The following CHRNA7 variants were observed in gnomAD, a reference collection of about 807,000 sequenced individuals.
CHRNA7 encodes cholinergic receptor nicotinic alpha 7 subunit, also known as neuronal acetylcholine receptor subunit alpha-7.
A neutral mutation model predicts 48.0 loss-of-function variants in CHRNA7; 17 were observed. The observed-to-expected ratio is 0.35, with a 90% CI of 0.24 to 0.53. The LOEUF is 0.53. Among genes scored for constraint, CHRNA7 ranks in the 20% least tolerant of loss-of-function variants. The pLI, the probability that CHRNA7 is intolerant of heterozygous loss-of-function variation, is 0.92. For missense variants in CHRNA7, 155 were observed against 577.7 expected (o/e 0.27, Z 7.50); for synonymous variants, 75 against 242.3 (o/e 0.31, Z 6.41).
intron 2 of CHRNA7, among the ~76,000 whole-genome samples, chr15:32,069,580 G>A (rs578026886): frequency 1.3e-5 from 2 of 152,322 alleles, no homozygotes; most frequent in South Asian, 4.1e-4. Flanking sequence ...ACAGGAGGTC[G>A]AGGCTGCAGT....
chr15:32,137,204 A>G (rs1018460519), intron 4 of CHRNA7, among the ~76,000 whole-genome samples: 2 of 152,114 alleles, frequency 1.3e-5, no homozygotes, highest in African/African-American at 4.8e-5. Context: ...TCCCCAATAT[A>G]TCTCTATGCA....
Position 32,051,860 on chromosome 15 carries a change from A to T in CHRNA7, c.195+20823A>T, listed in dbSNP as rs142322502. ...CCTGGCTGATTTTTGTATTTTTAGT[A>T]GAGACGGGGTTTCAAGACGTTCCCC... On this transcript the variant is annotated intron_variant, in intron 2 of 9. Transcript: ENST00000306901. Among the ~76,000 whole-genome samples the T allele has an allele frequency of 3.2e-3, 484 of 152,224 alleles. 5 individuals are homozygous for T. The highest frequency in any genetic ancestry group is 0.011 in the African/African-American group (463 of 41,544).
intron 2 of CHRNA7, among the ~76,000 whole-genome samples, chr15:32,046,743 C>G (rs2049555377): frequency 6.6e-6 from 1 of 151,980 alleles, no homozygotes; most frequent in Non-Finnish European, 1.5e-5. Context: ...AAGTCCTTGC[C>G]CATGCCTATG....
At chr15:32,119,677 A>G (rs993846081) in intron 4 of CHRNA7, among the ~76,000 whole-genome samples, 9 of 152,204 alleles carry the variant, frequency 5.9e-5, no homozygotes, top group African/African-American at 1.2e-4. Flanking sequence ...CTTGTTAGCA[A>G]TTGATTCCCA....
intron 2 of CHRNA7, among the ~76,000 whole-genome samples, chr15:32,055,144 TGAG>T (rs2049763478): frequency 2.0e-5 from 3 of 152,194 alleles, no homozygotes; most frequent in Non-Finnish European, 4.4e-5. Context: ...CAGCTAAGGT[TGAG>T]GAGATTTTCA....
chr15:32,153,036 T>C (rs2051664411), intron 4 of CHRNA7, among the ~76,000 whole-genome samples: 1 of 149,816 alleles, frequency 6.7e-6, no homozygotes, highest in African/African-American at 2.5e-5. Flanking sequence ...CTTCCCTCAC[T>C]CTCCTTCTTT....
intron 4 of CHRNA7, among the ~76,000 whole-genome samples, chr15:32,146,957 A>G (rs1356230969): frequency 1.3e-5 from 2 of 152,230 alleles, no homozygotes; most frequent in Non-Finnish European, 2.9e-5. Flanking sequence ...CAACACTTTC[A>G]TAATGCTGTA....
chr15:32,121,391 T>G (rs540149631), intron 4 of CHRNA7, among the ~76,000 whole-genome samples: 6 of 152,300 alleles, frequency 3.9e-5, no homozygotes, highest in South Asian at 2.1e-4. Flanking sequence ...TTCAGTGAAG[T>G]CATCTAAAAT....
chr15:32,116,962 T>C (rs761301542), intron 4 of CHRNA7, among the ~76,000 whole-genome samples: 26 of 152,338 alleles, frequency 1.7e-4, no homozygotes, highest in Non-Finnish European at 2.6e-4. Context: ...AGGGGACCTC[T>C]ATGCAGGACA....
Position 32,129,898 on chromosome 15 carries a change from T to C in CHRNA7, c.350+17999T>C, listed in dbSNP as rs111230987. 5.0e-3 allele frequency among the ~76,000 whole-genome samples: 754 copies of C among 152,092 alleles called. 6 individuals carry two copies. Among genetic ancestry groups the C allele is most frequent in the African/African-American group, 0.017 (702 of 41,572 alleles). On this transcript the variant is annotated intron_variant, in intron 4 of 9. Coordinates refer to ENST00000306901, the MANE Select transcript of CHRNA7 (RefSeq NM_000746.6). The stretch of plus-strand genomic sequence containing the variant: ...CCAGCATGTCATACATATTGATACA[T>C]TGCATTTTTATTCAGTTCAGTGTAT...
intron 2 of CHRNA7, among the ~76,000 whole-genome samples, chr15:32,082,407 T>G (rs894819677): frequency 6.6e-6 from 1 of 152,086 alleles, no homozygotes; most frequent in Non-Finnish European, 1.5e-5. Context: ...TCAAATTGAG[T>G]AATTTCTATT....
chr15:32,034,896 A>G (rs1020149554), intron 2 of CHRNA7, among the ~76,000 whole-genome samples: 1 of 152,186 alleles, frequency 6.6e-6, no homozygotes, highest in Non-Finnish European at 1.5e-5. Context: ...ATCTCTGCTT[A>G]AGCAGAAGAT....
At chr15:32,144,942 T>A (rs2051457267) in intron 4 of CHRNA7, among the ~76,000 whole-genome samples, 1 of 152,188 alleles carries the variant, frequency 6.6e-6, no homozygotes, top group Non-Finnish European at 1.5e-5. Context: ...TCATTCTCCA[T>A]CCAGTTTTGT....
intron 4 of CHRNA7, among the ~76,000 whole-genome samples, chr15:32,138,147 A>G (rs993529407): frequency 1.3e-5 from 2 of 152,202 alleles, no homozygotes; most frequent in South Asian, 4.1e-4. Context: ...ATTGGTTTTA[A>G]AAAAGAACTA....
At chr15:32,063,185 T>C (rs560509781) in intron 2 of CHRNA7, among the ~76,000 whole-genome samples, 2 of 152,226 alleles carry the variant, frequency 1.3e-5, no homozygotes, top group South Asian at 2.1e-4. Flanking sequence ...GGGACATTAC[T>C]GTGTGCTACT....
chr15:32,106,202 A>G (rs1189826636), intron 3 of CHRNA7, among the ~76,000 whole-genome samples: 1 of 151,504 alleles, frequency 6.6e-6, no homozygotes, highest in African/African-American at 2.4e-5. Flanking sequence ...GGGGGTGCAA[A>G]TGTGGGCCGG....
chr15:32,101,266 T>C (rs780301216), intron 2 of CHRNA7, 37 bp from the exon 3 acceptor site: 16 of 1,578,080 alleles, frequency 1.0e-5, no homozygotes, highest in Admixed American at 5.6e-5. Flanking sequence ...TTGTAAACCA[T>C]ATTATTTATG....
chr15:32,037,025 T>G (rs757599308), intron 2 of CHRNA7, among the ~76,000 whole-genome samples: 1 of 152,174 alleles, frequency 6.6e-6, no homozygotes, highest in Non-Finnish European at 1.5e-5. Flanking sequence ...GTCATACAGG[T>G]TTTCCTCTAT....
intron 2 of CHRNA7, among the ~76,000 whole-genome samples, chr15:32,097,746 G>A (rs926030514): frequency 6.6e-6 from 1 of 152,178 alleles, no homozygotes; most frequent in African/African-American, 2.4e-5. Context: ...CAGGCCTCTG[G>A]GCCAGGGTTG....
Sources: allele counts gnomAD v4.1 joint callset (sites outside exome capture counted in the v4.1 genomes callset), GRCh38; gene constraint gnomAD v4.1.1; transcripts MANE v1.5; gene names NCBI Gene and HGNC (gene_info 2026-07-23, HGNC 2026-07-21).